The following CDH13 variants were observed in gnomAD, a reference collection of about 807,000 sequenced individuals.
The protein encoded by CDH13 is cadherin-13.
CDH13 carries 24 observed loss-of-function variants against 63.8 expected under a neutral mutation model. That is an observed-to-expected ratio of 0.38 (90% CI 0.27 to 0.53). CDH13 has a LOEUF of 0.53. CDH13 is among the 20% of genes least tolerant of loss of function. CDH13 has a pLI of 0.85. For synonymous variants in CDH13, 503 were observed against 355.3 expected (o/e 1.42, Z -4.67); for missense variants, 1,049 against 903.1 (o/e 1.16, Z -2.07).
intron 10 of CDH13, among the ~76,000 whole-genome samples, chr16:83,719,672 A>G (rs1909421873): frequency 6.6e-6 from 1 of 152,200 alleles, no homozygotes; most frequent in South Asian, 2.1e-4. Flanking sequence ...GGAGGTATGC[A>G]CGGTTACTTC....
At chr16:82,848,418 G>C (rs768805750) in intron 1 of CDH13, among the ~76,000 whole-genome samples, 75 of 152,178 alleles carry the variant, frequency 4.9e-4, no homozygotes, top group Non-Finnish European at 1.1e-3. Flanking sequence ...CACTGAGCAA[G>C]TTTATGGGTG....
At chr16:82,799,789 A>T (rs1262395639) in intron 1 of CDH13, among the ~76,000 whole-genome samples, 1 of 152,044 alleles carries the variant, frequency 6.6e-6, no homozygotes, top group Non-Finnish European at 1.5e-5. Context: ...TTGATTTTCT[A>T]AATGGAGACT....
intron 4 of CDH13, among the ~76,000 whole-genome samples, chr16:83,147,202 C>A (rs1046233369): frequency 6.6e-6 from 1 of 152,206 alleles, no homozygotes; most frequent in Non-Finnish European, 1.5e-5. Context: ...CGTGATCAGA[C>A]ATCACCAACT....
chr16:83,620,921 G>T (rs1354106136), intron 8 of CDH13, among the ~76,000 whole-genome samples: 2 of 152,158 alleles, frequency 1.3e-5, no homozygotes, highest in Non-Finnish European at 2.9e-5. Context: ...ACATGCCCCA[G>T]ACTTGCTCTT....
chr16:83,278,140 C>G (rs1360542232), intron 5 of CDH13, among the ~76,000 whole-genome samples: 1 of 152,082 alleles, frequency 6.6e-6, no homozygotes, highest in Non-Finnish European at 1.5e-5. Context: ...ATTATATTTC[C>G]CAGATTTCTG....
chr16:83,045,437 G>C (rs1036602183), intron 3 of CDH13, among the ~76,000 whole-genome samples: 1 of 151,964 alleles, frequency 6.6e-6, no homozygotes, highest in African/African-American at 2.4e-5. Context: ...AGGAGTTCAA[G>C]ACCAGCCTGG....
intron 1 of CDH13, among the ~76,000 whole-genome samples, chr16:82,742,047 C>G (rs544358579): frequency 1.3e-5 from 2 of 151,936 alleles, no homozygotes; most frequent in Non-Finnish European, 2.9e-5. Flanking sequence ...AATATCAGCC[C>G]GGTTATATAA....
At chr16:83,312,744 A>G (rs1185731460) in intron 5 of CDH13, among the ~76,000 whole-genome samples, 1 of 152,222 alleles carries the variant, frequency 6.6e-6, no homozygotes, top group Non-Finnish European at 1.5e-5. Flanking sequence ...TACATAAAAT[A>G]AAACCACAAA....
At chr16:82,941,746 CCTT>C (rs1904290246) in intron 2 of CDH13, among the ~76,000 whole-genome samples, 1 of 152,162 alleles carries the variant, frequency 6.6e-6, no homozygotes, top group Non-Finnish European at 1.5e-5. Context: ...TCCCATCTCT[CCTT>C]CTCTTAATGT....
At chr16:83,280,216 G>A (rs2089127384) in intron 5 of CDH13, among the ~76,000 whole-genome samples, 1 of 152,226 alleles carries the variant, frequency 6.6e-6, no homozygotes, top group South Asian at 2.1e-4. Flanking sequence ...CAAAATTGGA[G>A]TCAGTCTTCT....
intron 6 of CDH13, among the ~76,000 whole-genome samples, chr16:83,438,035 C>G (rs2072366746): frequency 6.6e-6 from 1 of 152,164 alleles, no homozygotes; most frequent in Non-Finnish European, 1.5e-5. Context: ...ACCGGTCTCC[C>G]TACTCTCCCC....
intron 1 of CDH13, among the ~76,000 whole-genome samples, chr16:82,673,143 C>T (rs72832183): frequency 0.34 from 51,255 of 151,366 alleles, 10,777 homozygotes; most frequent in Non-Finnish European, 0.48. Context: ...TGCCCAGCCC[C>T]AGGAAACATG....
At chr16:83,005,233 T>C (rs1486746658) in intron 2 of CDH13, among the ~76,000 whole-genome samples, 4 of 152,202 alleles carry the variant, frequency 2.6e-5, no homozygotes, top group African/African-American at 9.6e-5. Flanking sequence ...TGGACATTGC[T>C]GGATTTTTGG....
At chr16:83,357,694 G>T (rs993757975) in intron 6 of CDH13, among the ~76,000 whole-genome samples, 2 of 152,162 alleles carry the variant, frequency 1.3e-5, no homozygotes, top group Non-Finnish European at 2.9e-5. Flanking sequence ...GGCCTCCACA[G>T]CAAAGAATCA....
At chr16:83,074,922 T>A (rs1272253387) in intron 3 of CDH13, among the ~76,000 whole-genome samples, 1 of 152,212 alleles carries the variant, frequency 6.6e-6, no homozygotes, top group Non-Finnish European at 1.5e-5. Flanking sequence ...CCAACACTTA[T>A]AATGAGGCTC....
chr16:83,249,158 A>C (rs993316139), intron 5 of CDH13, among the ~76,000 whole-genome samples: 2 of 152,186 alleles, frequency 1.3e-5, no homozygotes, highest in East Asian at 1.9e-4. Context: ...CCCTTTTGCA[A>C]GTTATTAATA....
intron 7 of CDH13, among the ~76,000 whole-genome samples, chr16:83,498,108 A>G (rs957533881): frequency 3.3e-5 from 5 of 152,218 alleles, no homozygotes; most frequent in African/African-American, 1.2e-4. Flanking sequence ...GACATTGACT[A>G]AATATTGGAG....
At chr16:82,849,173 G>A (rs1442350070) in intron 1 of CDH13, among the ~76,000 whole-genome samples, 1 of 152,176 alleles carries the variant, frequency 6.6e-6, no homozygotes, top group Non-Finnish European at 1.5e-5. Context: ...GTTAGTGTGT[G>A]ACATTTAAGT....
chr16:82,989,311 GT>G (rs1911358905), intron 2 of CDH13, among the ~76,000 whole-genome samples: 1 of 152,150 alleles, frequency 6.6e-6, no homozygotes, highest in African/African-American at 2.4e-5. Context: ...CAAGCATATA[GT>G]TTGCATATCG....
Sources: allele counts gnomAD v4.1 joint callset (sites outside exome capture counted in the v4.1 genomes callset), GRCh38; gene constraint gnomAD v4.1.1; transcripts MANE v1.5; gene names NCBI Gene and HGNC (gene_info 2026-07-23, HGNC 2026-07-21).